The following AVPI1 variants were observed in gnomAD, a reference collection of about 807,000 sequenced individuals.
AVPI1 encodes the protein arginine vasopressin induced 1, also known as arginine vasopressin-induced protein 1.
Under a neutral mutation model 11.9 loss-of-function variants are expected in AVPI1, and 9 were observed. The ratio of observed to expected loss-of-function variants is 0.76; its 90% CI spans 0.46 to 1.32. AVPI1 has a LOEUF of 1.32. Among genes scored for constraint, AVPI1 ranks in the 40% most tolerant of loss-of-function variants. The probability of loss-of-function intolerance (pLI) is 0.00; values close to 1 mark genes in which losing one functional copy is unlikely to be tolerated. For missense variants in AVPI1, 207 were observed against 195.8 expected (o/e 1.06, Z -0.34); for synonymous variants, 68 against 78.1 (o/e 0.87, Z 0.68).
At chr10:97,685,764 G>C (rs1234474687) in intron 1 of AVPI1, among the ~76,000 whole-genome samples, 2 of 152,150 alleles carry the variant, frequency 1.3e-5, no homozygotes, top group Non-Finnish European at 2.9e-5. Context: ...GAGGTATGCC[G>C]AGACAACTGG....
At position 97,677,987 on chromosome 10, in the gene AVPI1, C is replaced by G. The variant is rs139597558; in HGVS notation, c.326G>C (p.Ser109Thr). 7 of 1,614,194 alleles carry G rather than the reference C, an allele frequency of 4.3e-6. No homozygotes were observed. The highest frequency in any genetic ancestry group is 4.5e-5 in the East Asian group (2 of 44,884). Residue 109 changes from serine (S) to threonine (T), a missense_variant, in exon 3 of 3, where the codon AGT (serine) becomes ACT (threonine). Ser to Thr is a moderately conservative substitution (Grantham distance 58). Coordinates refer to ENST00000370626, the MANE Select transcript of AVPI1 (RefSeq NM_021732.3). ...CTCACTGGAGGCTGTCTCTGTGGCACTCTGTGGGTTGGCCAGTGCAGAGTG... is the reference window on the plus strand; with the variant it reads ...CTCACTGGAGGCTGTCTCTGTGGCAGTCTGTGGGTTGGCCAGTGCAGAGTG... Reference protein sequence around the residue: ...EPHSALANPQSATETASSEQY... With the variant: ...EPHSALANPQTATETASSEQY...
intron 1 of AVPI1, among the ~76,000 whole-genome samples, chr10:97,681,218 A>C (rs1168111443): frequency 6.6e-6 from 1 of 152,234 alleles, no homozygotes; most frequent in Non-Finnish European, 1.5e-5. Flanking sequence ...AGCCCAGTAT[A>C]TCAGTTACCC....
chr10:97,681,445 G>A (rs1384241658), intron 1 of AVPI1, among the ~76,000 whole-genome samples: 7 of 152,052 alleles, frequency 4.6e-5, no homozygotes. Context: ...AGCCGGGCGT[G>A]GTGGCGCATG....
chr10:97,681,929 A>G (rs1232627586), intron 1 of AVPI1, among the ~76,000 whole-genome samples: 1 of 151,648 alleles, frequency 6.6e-6, no homozygotes, highest in Non-Finnish European at 1.5e-5. Context: ...GAATACAATG[A>G]TACAACAATT....
At chr10:97,684,497 C>CTTTT (rs5787253) in intron 1 of AVPI1, among the ~76,000 whole-genome samples, 57 of 117,546 alleles carry the variant, frequency 4.8e-4, no homozygotes, top group Middle Eastern at 5.1e-3. Flanking sequence ...TCTTTTTACT[C>CTTTT]TTTTTTTTTT....
chr10:97,679,891 G>T lies in AVPI1; in HGVS notation c.15C>A (p.Ala5=). 1 of 1,581,832 alleles carries T rather than the reference G, an allele frequency of 6.3e-7. No homozygotes were observed. Among genetic ancestry groups the T allele is most frequent in the East Asian group, 2.3e-5 (1 of 44,138 alleles). ...AAGGGGGTGGCTCACTGACCACCGA[G>T]GCTGGGGTACCCATTGTGGATGCTC... MGTP[A]SVVSEPPPWQ... The change falls in exon 2 of 3, where the codon GCC becomes GCA. Residue 5 remains alanine (A), a synonymous_variant. Coordinates refer to ENST00000370626, the MANE Select transcript of AVPI1 (RefSeq NM_021732.3).
intron 1 of AVPI1, among the ~76,000 whole-genome samples, chr10:97,680,857 C>T (rs1031874243): frequency 6.6e-6 from 1 of 152,126 alleles, no homozygotes; most frequent in Non-Finnish European, 1.5e-5. Flanking sequence ...GAGGAGGCTA[C>T]AAGGGTTAGA....
In AVPI1 at chr10:97,679,819, G is replaced by A. The variant is rs1372308155; in HGVS notation, c.87C>T (p.Asn29=). 6.2e-7 allele frequency: 1 copy of A among 1,612,110 alleles called. No homozygotes were observed. ...GCAGCAGCTCGGCGTCCTGGAAGAT[G>A]TTGGCCGAGGCCTGCTTGCGGCCCC... is the stretch of plus-strand genomic sequence containing the variant. ...EARGRKQASA[N]IFQDAELLQI... Residue 29 remains asparagine (N), a synonymous_variant, in exon 2 of 3, where the codon AAC becomes AAT. Coordinates refer to ENST00000370626, the MANE Select transcript of AVPI1 (RefSeq NM_021732.3).
chr10:97,678,684 T>TTAA (rs771573400), intron 2 of AVPI1, among the ~76,000 whole-genome samples: 68 of 145,148 alleles, frequency 4.7e-4, no homozygotes, highest in Admixed American at 1.6e-3. Context: ...TAATTAGGCT[T>TTAA]AAAAAAAAAA....
intron 1 of AVPI1, among the ~76,000 whole-genome samples, chr10:97,682,215 C>T (rs1014722733): frequency 2.6e-5 from 4 of 152,188 alleles, no homozygotes; most frequent in Non-Finnish European, 5.9e-5. Context: ...CTCCTCTTTC[C>T]TCTAAGCTGT....
rs933624779 is a variant in AVPI1 at position 97,679,749 on chromosome 10, C to G, written c.157G>C (p.Glu53Gln). Residue 53 changes from glutamate to glutamine, a missense_variant, in exon 2 of 3, where the codon GAA (glutamate) becomes CAA (glutamine). By Grantham distance (29) the Glu-to-Gln change is conservative (BLOSUM62 2). Coordinates refer to ENST00000370626, the MANE Select transcript of AVPI1 (RefSeq NM_021732.3). ...CATTCCCAGATGATCTGTGCCCGTT[C>G]CTCGGCCAGCTGGTCCCCGCTGCGT... ...FQRSGDQLAE[E>Q]RAQIIWECAG... 7 of 1,614,184 alleles carry G rather than the reference C, an allele frequency of 4.3e-6. No individual in the cohort carries two copies. In the South Asian group the frequency reaches 4.4e-5, roughly 10 times the overall value.
At chr10:97,678,938 T>TTTTCAGAGACA (rs2041684543) in intron 2 of AVPI1, among the ~76,000 whole-genome samples, 3 of 33,680 alleles carry the variant, frequency 8.9e-5, no homozygotes, top group African/African-American at 2.3e-4. Flanking sequence ...TGTGTGTGTG[T>TTTTCAGAGACA]GTGTGTGTGT....
chr10:97,680,119 A>T (rs367640571), intron 1 of AVPI1, among the ~76,000 whole-genome samples: 2 of 152,210 alleles, frequency 1.3e-5, no homozygotes, highest in South Asian at 4.1e-4. Flanking sequence ...ATGAGGTAAG[A>T]ATTATTGTTT....
rs1157638574 is a variant in AVPI1 at position 97,679,865 on chromosome 10, C to A, written c.41G>T (p.Trp14Leu). 2 of 1,597,890 alleles carry A rather than the reference C, an allele frequency of 1.3e-6. No individual in the cohort carries two copies. The highest frequency in any genetic ancestry group is 1.7e-6 in the Non-Finnish European group (2 of 1,174,930). Residue 14 changes from tryptophan to leucine, a missense_variant, in exon 2 of 3, where the codon TGG becomes TTG. Physicochemically the swap from Trp to Leu is moderately conservative, Grantham distance 61. Coordinates refer to ENST00000370626, the MANE Select transcript of AVPI1 (RefSeq NM_021732.3). ...GCCCCGGGCCTCAATCGGGGCCTGCCAAGGGGGTGGCTCACTGACCACCGA... is the reference window on the plus strand; with the variant it reads ...GCCCCGGGCCTCAATCGGGGCCTGCAAAGGGGGTGGCTCACTGACCACCGA... ...PASVVSEPPP[W>L]QAPIEARGRK...
intron 2 of AVPI1, among the ~76,000 whole-genome samples, chr10:97,678,800 A>G: frequency 6.7e-6 from 1 of 149,254 alleles, no homozygotes; most frequent in Non-Finnish European, 1.5e-5. Context: ...TGATCCTCCT[A>G]CCTCAGCCCC....
Position 97,677,911 on chromosome 10 carries a change from C to T in AVPI1, c.402G>A (p.Arg134=). 1 of 1,614,198 alleles carries T rather than the reference C, an allele frequency of 6.2e-7. No individual in the cohort carries two copies. The highest frequency in any genetic ancestry group is 8.5e-7 in the Non-Finnish European group (1 of 1,180,048). The part of the protein sequence containing the change: ...KKSARIRRNW[R]KSGPTSYLHQ... The stretch of plus-strand genomic sequence containing the variant: ...GGAGGTAGCTTGTGGGGCCTGACTT[C>T]CTCCAGTTCCGGCGGATCCTGGCAC... Residue 134 remains arginine, a synonymous_variant, in exon 3 of 3, where the codon AGG becomes AGA. Transcript: ENST00000370626.
intron 2 of AVPI1, among the ~76,000 whole-genome samples, chr10:97,679,039 A>T (rs1309977240): frequency 7.2e-6 from 1 of 139,570 alleles, no homozygotes; most frequent in Non-Finnish European, 1.6e-5. Flanking sequence ...CCAGGCTGGT[A>T]AGCTGAGAAT....
chr10:97,678,945 G>T lies in AVPI1; in HGVS notation c.287+674C>A, dbSNP rs1564779865. Among the ~76,000 whole-genome samples the T allele has an allele frequency of 1.5e-3, 61 of 39,864 alleles. 10 individuals carry two copies. Among genetic ancestry groups the T allele is most frequent in the East Asian group, 0.013 (19 of 1,488 alleles). 26.2% of individuals were successfully genotyped at this position (39,864 alleles called of 152,430 possible). A position where few individuals can be genotyped will look rare whatever the true frequency, so the allele number is the denominator to read the frequency against. The stretch of plus-strand genomic sequence containing the variant: ...TGTGTGTGTGTGTGTGTGTGTGTGT[G>T]TGTGTGTGTGTGTGTGTGTGTGTGT... On this transcript the variant is annotated intron_variant, in intron 2 of 2. Transcript: ENST00000370626.
rs1391074095 is a variant in AVPI1, at chr10:97,679,868, G to A, written c.38C>T (p.Pro13Leu). ...CCGGGCCTCAATCGGGGCCTGCCAA[G>A]GGGGTGGCTCACTGACCACCGAGGC... ...TPASVVSEPP[P>L]WQAPIEARGR... The change falls in exon 2 of 3, where the codon CCT becomes CTT. Residue 13 changes from proline to leucine, a missense_variant. Coordinates refer to ENST00000370626, the MANE Select transcript of AVPI1 (RefSeq NM_021732.3). 10 of 1,596,752 alleles carry A rather than the reference G, an allele frequency of 6.3e-6. No homozygotes were observed. The highest frequency in any genetic ancestry group is 2.2e-5 in the South Asian group (2 of 88,924).
Sources: allele counts gnomAD v4.1 joint callset (sites outside exome capture counted in the v4.1 genomes callset), GRCh38; gene constraint gnomAD v4.1.1; transcripts MANE v1.5; gene names NCBI Gene and HGNC (gene_info 2026-07-23, HGNC 2026-07-21).